RIN3: variants seen among roughly 807,000 people sequenced by gnomAD.
RIN3 encodes Ras and Rab interactor 3, also known as RAB5 interacting protein 3.
RIN3 carries 54 observed loss-of-function variants against 76.3 expected under a neutral mutation model. The ratio of observed to expected loss-of-function variants is 0.71; its 90% confidence interval spans 0.57 to 0.89. The LOEUF (loss-of-function observed/expected upper bound fraction) is 0.89. Ranked by LOEUF, RIN3 falls within the 40% of genes least tolerant of loss-of-function variation. The probability of loss-of-function intolerance (pLI) is 0.00; values close to 1 mark genes in which losing one functional copy is unlikely to be tolerated. For synonymous variants in RIN3, 576 were observed against 564.0 expected (o/e 1.02, Z -0.30); for missense variants, 1,256 against 1,322.1 (o/e 0.95, Z 0.78).
chr14:92,644,982 G>A (rs1887147246), intron 5 of RIN3: 1 of 152,268 alleles, frequency 6.6e-6, no homozygotes, highest in Non-Finnish European at 1.5e-5. Context: ...GCATCAAAAA[G>A]AGACTTAGAG....
At chr14:92,609,843 CTGTGTGTGTGTGTGTGTG>C (rs34350495) in intron 3 of RIN3, among the ~76,000 whole-genome samples, 3 of 138,414 alleles carry the variant, frequency 2.2e-5, no homozygotes, top group Admixed American at 7.7e-5. Flanking sequence ...GAAATTCAGT[CTGTGTGTGTGTGTGTGTG>C]TGTGTGTGTG....
chr14:92,619,292 C>T (rs901218863), intron 4 of RIN3, among the ~76,000 whole-genome samples: 1 of 151,884 alleles, frequency 6.6e-6, no homozygotes, highest in African/African-American at 2.4e-5. Flanking sequence ...TTTGGAATTC[C>T]AGAGTACCAT....
At chr14:92,595,139 C>G (rs1885109346) in intron 3 of RIN3, among the ~76,000 whole-genome samples, 1 of 152,160 alleles carries the variant, frequency 6.6e-6, no homozygotes, top group African/African-American at 2.4e-5. Context: ...CCTCAAGGAG[C>G]TCAAATCTAG....
intron 3 of RIN3, among the ~76,000 whole-genome samples, chr14:92,589,869 C>G (rs1263084133): frequency 6.6e-6 from 1 of 152,152 alleles, no homozygotes; most frequent in Non-Finnish European, 1.5e-5. Context: ...AAACCCTGAC[C>G]AAACTGAAAA....
In RIN3 at chr14:92,623,024, C is replaced by G. The variant is rs1298109785; in HGVS notation, c.440+7545C>G. On this transcript the variant is annotated intron_variant, in intron 4 of 9. Coordinates refer to ENST00000216487, the MANE Select transcript of RIN3 (RefSeq NM_024832.5). This position sits in a 1 kb window ranked among gnomAD's most constrained non-coding sequence, Gnocchi z 4.9. ...TGTCTCTATAAGTCTTTGGACTAGT[C>G]CACGAATGCAGGGCATGATGCAGCA... is the stretch of plus-strand genomic sequence containing the variant. Among the ~76,000 whole-genome samples the G allele has an allele frequency of 6.6e-6, 1 of 152,184 alleles. No homozygotes were observed. Among genetic ancestry groups the G allele is most frequent in the African/African-American group, 2.4e-5 (1 of 41,430 alleles).
intron 6 of RIN3, among the ~76,000 whole-genome samples, chr14:92,655,646 G>C (rs1178180536): frequency 6.6e-6 from 1 of 152,256 alleles, no homozygotes; most frequent in Admixed American, 6.5e-5. Flanking sequence ...TGAGGCTACT[G>C]TCAGAGCCAA....
chr14:92,652,265 G>C lies in RIN3; in HGVS notation c.1216G>C (p.Ala406Pro). The C allele has an allele frequency of 6.2e-7, 1 of 1,611,274 alleles. No homozygotes were observed. Among genetic ancestry groups the C allele is most frequent in the African/African-American group, 1.3e-5 (1 of 74,972 alleles). The part of the protein sequence containing the change: ...SLEDQSPGMA[A>P]EGDQLSLPPQ... ...AGAAGACCAAAGTCCGGGGATGGCG[G>C]CAGAGGGGGACCAGCTCAGCCTGCC... is the stretch of plus-strand genomic sequence containing the variant. The change falls in exon 6 of 10, where the codon GCA (alanine) becomes CCA (proline). Residue 406 changes from alanine (A) to proline (P), a missense_variant. Physicochemically the swap from Ala to Pro is conservative, Grantham distance 27. This residue lies in a region of RIN3 where 610 missense variants were observed against 626.4 expected (regional missense o/e 0.97). Coordinates refer to ENST00000216487, the MANE Select transcript of RIN3 (RefSeq NM_024832.5). This position sits in a 1 kb window ranked among gnomAD's most constrained non-coding sequence, Gnocchi z 6.4.
chr14:92,678,614 TCCACCCAC>T (rs1888561016), intron 8 of RIN3, among the ~76,000 whole-genome samples: 1 of 150,116 alleles, frequency 6.7e-6, no homozygotes, highest in Non-Finnish European at 1.5e-5. Flanking sequence ...CATCTACCCA[TCCACCCAC>T]CTACGCAATC....
chr14:92,571,793 T>C (rs548192635), intron 2 of RIN3, among the ~76,000 whole-genome samples: 1 of 152,308 alleles, frequency 6.6e-6, no homozygotes, highest in African/African-American at 2.4e-5. Context: ...TACAGTTTTG[T>C]ATAAAAGATA....
At chr14:92,679,697 G>A (rs1282832116) in intron 8 of RIN3, among the ~76,000 whole-genome samples, 1 of 152,216 alleles carries the variant, frequency 6.6e-6, no homozygotes, top group Non-Finnish European at 1.5e-5. Flanking sequence ...TGCAGGTGGG[G>A]AGGGAGACTG....
chr14:92,664,866 T>C (rs912659428), intron 7 of RIN3, among the ~76,000 whole-genome samples: 209 of 152,242 alleles, frequency 1.4e-3, no homozygotes, highest in African/African-American at 5.0e-3. Context: ...TACAGCATTT[T>C]TGTCTAAACT....
At chr14:92,541,486 G>A (rs1897131899) in intron 1 of RIN3, among the ~76,000 whole-genome samples, 1 of 152,226 alleles carries the variant, frequency 6.6e-6, no homozygotes, top group African/African-American at 2.4e-5. Flanking sequence ...ATGATGAGGA[G>A]GCTCAGAACC....
intron 3 of RIN3, among the ~76,000 whole-genome samples, chr14:92,610,281 A>T (rs945207170): frequency 1.3e-5 from 2 of 152,178 alleles, no homozygotes; most frequent in Non-Finnish European, 2.9e-5. Context: ...AAAGAAAGAA[A>T]AAAAGAGAAT....
intron 1 of RIN3, among the ~76,000 whole-genome samples, chr14:92,538,176 G>C (rs1897051065): frequency 6.6e-6 from 1 of 151,976 alleles, no homozygotes; most frequent in African/African-American, 2.4e-5. Context: ...TGCCAGTTTG[G>C]CCAGGCTGGT....
chr14:92,519,368 C>T (rs910505817), intron 1 of RIN3, among the ~76,000 whole-genome samples: 1 of 152,174 alleles, frequency 6.6e-6, no homozygotes, highest in Non-Finnish European at 1.5e-5. Context: ...GGGGCAGGAC[C>T]CATGGCTCCT....
chr14:92,622,025 G>A (rs1566872457), intron 4 of RIN3, among the ~76,000 whole-genome samples: 1 of 152,156 alleles, frequency 6.6e-6, no homozygotes, highest in Non-Finnish European at 1.5e-5. Context: ...ACCAAAGGAG[G>A]GCATCACACA....
intron 2 of RIN3, among the ~76,000 whole-genome samples, chr14:92,570,321 TAC>T (rs10588548): frequency 0.031 from 4,612 of 150,856 alleles, 177 homozygotes; most frequent in East Asian, 0.14. Flanking sequence ...TCGTGGCAGA[TAC>T]ACACACACAC....
chr14:92,654,476 A>G (rs1887591031), intron 6 of RIN3, among the ~76,000 whole-genome samples: 1 of 152,152 alleles, frequency 6.6e-6, no homozygotes, highest in African/African-American at 2.4e-5. Flanking sequence ...TTCCCCACCC[A>G]ATAATGAAAG....
intron 3 of RIN3, among the ~76,000 whole-genome samples, chr14:92,583,755 A>T (rs1884650278): frequency 6.6e-6 from 1 of 152,214 alleles, no homozygotes; most frequent in South Asian, 2.1e-4. Flanking sequence ...ATTCATTTTA[A>T]TGGCTGCATA....
Sources: allele counts gnomAD v4.1 joint callset (sites outside exome capture counted in the v4.1 genomes callset), GRCh38; gene constraint gnomAD v4.1.1; regional missense constraint gnomAD v4.1.1; non-coding constraint Gnocchi (gnomAD v3.1); transcripts MANE v1.5; gene names NCBI Gene and HGNC (gene_info 2026-07-23, HGNC 2026-07-21).